Variants in DMXL1 observed in about 807,000 individuals in gnomAD.
DMXL1 encodes Dmx like 1.
In DMXL1, 99 loss-of-function variants were observed where a neutral mutation model predicts 319.2. That is an observed-to-expected ratio of 0.31 (90% CI 0.26 to 0.37). The LOEUF is 0.37. DMXL1 is among the 10% of genes least tolerant of loss of function. The pLI is 1.00. For missense variants in DMXL1, 3,745 were observed against 3,595.6 expected, an observed-to-expected ratio of 1.04 and a Z score of -1.06; for synonymous variants, 1,385 against 1,235.2, an observed-to-expected ratio of 1.12 and a Z score of -2.54.
chr5:119,168,150 G>C (rs1417304515), intron 23 of DMXL1, among the ~76,000 whole-genome samples: 1 of 152,166 alleles, frequency 6.6e-6, no homozygotes, highest in African/African-American at 2.4e-5. Flanking sequence ...TATAAAGCCA[G>C]TTTTTAAATC....
chr5:119,152,504 T>C (rs147250394), intron 19 of DMXL1, among the ~76,000 whole-genome samples: 47 of 152,334 alleles, frequency 3.1e-4, no homozygotes, highest in African/African-American at 1.0e-3. Flanking sequence ...TGATAAAATA[T>C]GTATTTCAGA....
At chr5:119,104,794 C>T (rs1164182626) in intron 3 of DMXL1, among the ~76,000 whole-genome samples, 1 of 152,014 alleles carries the variant, frequency 6.6e-6, no homozygotes, top group African/African-American at 2.4e-5. Flanking sequence ...TGAATTTTCC[C>T]ACATACTATT....
At chr5:119,238,111 A>G (rs1184720765) in intron 40 of DMXL1, among the ~76,000 whole-genome samples, 1 of 152,088 alleles carries the variant, frequency 6.6e-6, no homozygotes, top group African/African-American at 2.4e-5. Flanking sequence ...TATTAAGCTT[A>G]AAGATTTAGA....
In DMXL1 at chr5:119,101,986, C is replaced by T; in HGVS notation, c.265C>T (p.Pro89Ser). 1.9e-6 allele frequency: 3 copies of T among 1,603,278 alleles called. No homozygotes were observed. Among genetic ancestry groups the T allele is most frequent in the African/African-American group, 1.3e-5 (1 of 74,634 alleles). Residue 89 changes from proline to serine, a missense_variant, in exon 3 of 44, where the codon CCA becomes TCA. Transcript: ENST00000539542. ...CTCCATTTTTGAACCAGTTAACCTACCAAAACAAAAGAAAAATTTGGTCAG... is the reference window on the plus strand; with the variant it reads ...CTCCATTTTTGAACCAGTTAACCTATCAAAACAAAAGAAAAATTTGGTCAG... ...VISIFEPVNL[P>S]KQKKNLELYS...
At chr5:119,244,676 T>C (rs546359651) in intron 43 of DMXL1, 100 bp downstream of exon 43, 2 of 793,332 alleles carry the variant, frequency 2.5e-6, no homozygotes, top group East Asian at 2.7e-5. Flanking sequence ...ATAATAGTTA[T>C]ATTAATTCCT....
chr5:119,092,944 T>C (rs1042815724), intron 1 of DMXL1, among the ~76,000 whole-genome samples: 4 of 152,244 alleles, frequency 2.6e-5, no homozygotes, highest in Non-Finnish European at 4.4e-5. Flanking sequence ...TTATGAATAA[T>C]GCTGGTATGA....
At chr5:119,113,141 T>C (rs540164295) in intron 5 of DMXL1, among the ~76,000 whole-genome samples, 2 of 152,314 alleles carry the variant, frequency 1.3e-5, no homozygotes, top group East Asian at 1.9e-4. Flanking sequence ...TGTAAACATA[T>C]ACAGTGGAAT....
chr5:119,151,786 G>A (rs1484917661), intron 18 of DMXL1, 143 bp from the exon 19 acceptor site: 1 of 476,032 alleles, frequency 2.1e-6, no homozygotes, highest in Non-Finnish European at 3.7e-6. Context: ...GTAAAATTCT[G>A]TAGAAAAAGA....
intron 18 of DMXL1, among the ~76,000 whole-genome samples, chr5:119,151,114 A>C (rs898801082): frequency 3.1e-4 from 47 of 152,118 alleles, no homozygotes; most frequent in African/African-American, 1.1e-3. Flanking sequence ...ATAATCCACT[A>C]TTAACAATTA....
chr5:119,240,511 A>G, intron 42 of DMXL1, 40 bp downstream of exon 42: 1 of 1,324,174 alleles, frequency 7.6e-7, no homozygotes, highest in Non-Finnish European at 1.1e-6. Flanking sequence ...GAAAGTCAGG[A>G]AATTCATAAG....
intron 1 of DMXL1, among the ~76,000 whole-genome samples, chr5:119,072,392 T>G (rs754518181): frequency 6.6e-6 from 1 of 152,110 alleles, no homozygotes; most frequent in Non-Finnish European, 1.5e-5. Flanking sequence ...AAAATATAAG[T>G]CAGTAATTGC....
rs10064518 is a variant in DMXL1 at position 119,198,999 on chromosome 5, G to C, written c.7745+1043G>C. 6.1e-3 allele frequency among the ~76,000 whole-genome samples: 934 copies of C among 152,206 alleles called. 9 individuals carry two copies. The highest frequency in any genetic ancestry group is 0.02 in the African/African-American group (823 of 41,532). ...CCTCCTAGGCACAAACAGTCCTCCT[G>C]TCTCACCCTCCTGAATAGCTGGGAT... On this transcript the variant is annotated intron_variant, in intron 32 of 43. Coordinates refer to ENST00000539542, the MANE Select transcript of DMXL1 (RefSeq NM_001290321.3).
chr5:119,219,552 A>G (rs1561902559), intron 35 of DMXL1, among the ~76,000 whole-genome samples: 1 of 148,112 alleles, frequency 6.8e-6, no homozygotes. Context: ...AAAGATACAC[A>G]TTTAATTAAT....
Position 119,237,412 on chromosome 5 carries a change from C to T in DMXL1, c.8557C>T (p.Leu2853=), listed in dbSNP as rs1205931006. ...TACTGGAAGCATGCCTAAGCCATAC[C>T]TGGTAAGCCAAGAATTTCTACCTTT... ...PVTGSMPKPY[L]TWQCHNKTAN... is the part of the protein sequence containing the mutation. The change falls in exon 40 of 44, where the codon CTG becomes TTG. Residue 2853 remains leucine (L), a splice_region_variant and synonymous_variant. Coordinates refer to ENST00000539542, the MANE Select transcript of DMXL1 (RefSeq NM_001290321.3). 2.5e-6 allele frequency: 4 copies of T among 1,589,924 alleles called. No individual in the cohort carries two copies. The East Asian group carries it at 6.7e-5, about 27-fold the overall frequency.
chr5:119,152,987 TC>T lies in DMXL1; in HGVS notation c.4702+952del, dbSNP rs1372119096. Among the ~76,000 whole-genome samples the T allele has an allele frequency of 2.0e-5, 3 of 152,060 alleles. No individual in the cohort carries two copies. The East Asian group carries it at 5.8e-4, about 29-fold the overall frequency. On this transcript the variant is annotated intron_variant, in intron 19 of 43. Transcript: ENST00000539542. ...CAAATTCTTTTTAGTTTTTTTTTTT[TC>T]TTTTTTGAGATAGAGTCTTGCTCTG...
intron 6 of DMXL1, among the ~76,000 whole-genome samples, chr5:119,115,351 AT>A (rs1476092380): frequency 6.6e-6 from 1 of 152,162 alleles, no homozygotes; most frequent in African/African-American, 2.4e-5. Flanking sequence ...ACTAGTAACC[AT>A]TTCTTTAGTG....
chr5:119,204,272 G>C (rs537195087), intron 33 of DMXL1, among the ~76,000 whole-genome samples: 1 of 152,240 alleles, frequency 6.6e-6, no homozygotes, highest in East Asian at 1.9e-4. Flanking sequence ...CTAGCAGCTG[G>C]GACTGCAGAT....
intron 1 of DMXL1, among the ~76,000 whole-genome samples, chr5:119,083,746 C>A (rs964590176): frequency 9.2e-5 from 14 of 152,096 alleles, no homozygotes; most frequent in Non-Finnish European, 1.9e-4. Context: ...TTATGTGAGA[C>A]AGGCTGGTCT....
At chr5:119,167,472 T>C in intron 22 of DMXL1, 131 bp from the exon 23 acceptor site, 1 of 756,242 alleles carries the variant, frequency 1.3e-6, no homozygotes, top group Non-Finnish European at 2.1e-6. Context: ...TATGTTTTGT[T>C]TCTTATCCTT....
Sources: gnomAD v4.1 joint callset for allele counts (sites outside exome capture counted in the v4.1 genomes callset) on GRCh38, gnomAD v4.1.1 for gene constraint, MANE v1.5 for transcripts, NCBI Gene and HGNC (gene_info 2026-07-23, HGNC 2026-07-21) for gene names.